Variants in INTS14 observed in about 807,000 individuals in gnomAD.
INTS14 encodes the protein UPF0464 protein C15orf44.
Under a neutral mutation model 56.9 loss-of-function variants are expected in INTS14, and 27 were observed. That is an observed-to-expected ratio of 0.47 (90% CI 0.35 to 0.65). INTS14 has a LOEUF of 0.65. INTS14 is among the 30% of genes least tolerant of loss of function. INTS14 has a pLI of 0.00. For synonymous variants in INTS14, 207 were observed against 236.2 expected, an observed-to-expected ratio of 0.88 and a Z score of 1.13; for missense variants, 517 against 632.2, an observed-to-expected ratio of 0.82 and a Z score of 1.95.
chr15:65,599,044 T>C (rs917943582), intron 4 of INTS14, 54 bp from the exon 5 acceptor site: 13 of 1,331,382 alleles, frequency 9.8e-6, no homozygotes, highest in African/African-American at 7.4e-5. Flanking sequence ...TGCCAGATTA[T>C]TCTCAGCTCA....
chr15:65,610,569 A>C (rs1053266080), intron 1 of INTS14: 170 of 1,218,560 alleles, frequency 1.4e-4, no homozygotes, highest in Non-Finnish European at 1.9e-4. Flanking sequence ...CCAAGTGTCC[A>C]TCAGCTAGAC....
chr15:65,599,680 G>A, intron 4 of INTS14, 94 bp downstream of exon 4: 5 of 1,347,680 alleles, frequency 3.7e-6, no homozygotes, highest in Non-Finnish European at 4.1e-6. Context: ...CAATGCTACA[G>A]TATATACAAT....
Position 65,598,459 on chromosome 15 carries a change from G to A in INTS14, c.610C>T (p.Leu204=). The change falls in exon 6 of 12, where the codon CTG becomes TTG. Residue 204 remains leucine (L), a synonymous_variant. Coordinates refer to ENST00000313182, the MANE Select transcript of INTS14 (RefSeq NM_001394796.1). The part of the protein sequence containing the change: ...LKNVQSMFGK[L]IDLAYTPFHA... The stretch of plus-strand genomic sequence containing the variant: ...AAAGGCGTATATGCCAAATCTATCA[G>A]TTTTCTAGAATATGATAATTAATAG... 1 of 1,612,876 alleles carries A rather than the reference G, an allele frequency of 6.2e-7. No individual in the cohort carries two copies.
chr15:65,579,260 G>T lies in INTS14; in HGVS notation c.*148C>A. 9.2e-7 allele frequency: 1 copy of T among 1,087,574 alleles called. No individual in the cohort carries two copies. Among genetic ancestry groups the T allele is most frequent in the Non-Finnish European group, 1.3e-6 (1 of 763,296 alleles). 67.4% of individuals were successfully genotyped at this position (1,087,574 alleles called of 1,614,324 possible). On this transcript the variant is annotated 3_prime_UTR_variant, in exon 12 of 12. Transcript: ENST00000313182. The stretch of plus-strand genomic sequence containing the variant: ...CCTTCACATCCTTCTCATACTAGTA[G>T]AGTCATTCAAAACAGCAAGTGGTGC...
At chr15:65,608,109 C>T (rs2073720175) in intron 1 of INTS14, among the ~76,000 whole-genome samples, 2 of 152,190 alleles carry the variant, frequency 1.3e-5, no homozygotes, top group African/African-American at 4.8e-5. Context: ...GGCACAGTGG[C>T]TCATGCCTGT....
At chr15:65,588,158 G>GGT (rs1277269823) in intron 9 of INTS14, among the ~76,000 whole-genome samples, 1 of 151,808 alleles carries the variant, frequency 6.6e-6, no homozygotes, top group Non-Finnish European at 1.5e-5. Flanking sequence ...GCGTGGTGGT[G>GGT]GACACCTGCA....
intron 7 of INTS14, among the ~76,000 whole-genome samples, chr15:65,594,560 T>G (rs947637123): frequency 4.7e-5 from 7 of 149,946 alleles, no homozygotes; most frequent in East Asian, 1.9e-4. Flanking sequence ...GCCCAGGTTT[T>G]TTTTTTTTTT....
At chr15:65,608,478 CA>C (rs1195346498) in intron 1 of INTS14, among the ~76,000 whole-genome samples, 2 of 150,224 alleles carry the variant, frequency 1.3e-5, no homozygotes, top group African/African-American at 4.9e-5. Context: ...TGAGAATTAG[CA>C]TAAAGAAAAC....
chr15:65,603,941 CT>C (rs2073541851), intron 3 of INTS14, among the ~76,000 whole-genome samples: 1 of 152,206 alleles, frequency 6.6e-6, no homozygotes, highest in Non-Finnish European at 1.5e-5. Context: ...AGCAATGTTT[CT>C]GCTTTTTCCT....
At chr15:65,579,729 C>G in intron 11 of INTS14, 70 bp from the exon 12 acceptor site, 2 of 1,538,356 alleles carry the variant, frequency 1.3e-6, no homozygotes, top group Non-Finnish European at 1.8e-6. Flanking sequence ...AAGTGCTCAG[C>G]TTAGCATAAG....
intron 3 of INTS14, among the ~76,000 whole-genome samples, chr15:65,603,633 A>G (rs564943532): frequency 1.3e-5 from 2 of 151,284 alleles, no homozygotes; most frequent in East Asian, 3.9e-4. Context: ...TTTTTTTATT[A>G]ATAAATAAAT....
intron 11 of INTS14, among the ~76,000 whole-genome samples, chr15:65,581,154 C>T (rs1023121051): frequency 1.3e-5 from 2 of 151,786 alleles, no homozygotes; most frequent in African/African-American, 4.8e-5. Flanking sequence ...CCGAGGCGAG[C>T]GGATTACCTG....
intron 1 of INTS14, among the ~76,000 whole-genome samples, chr15:65,608,364 C>CAA (rs35399300): frequency 0.015 from 921 of 63,432 alleles, 14 homozygotes; most frequent in Middle Eastern, 0.021. Context: ...GGCTCCATCT[C>CAA]AAAAAAAAAA....
intron 9 of INTS14, among the ~76,000 whole-genome samples, chr15:65,585,848 C>T (rs1476575442): frequency 6.6e-6 from 1 of 152,188 alleles, no homozygotes; most frequent in South Asian, 2.1e-4. Context: ...AATTGAAACA[C>T]CTTGATATTG....
intron 3 of INTS14, 110 bp from the exon 4 acceptor site, chr15:65,600,039 G>A (rs2073371128): frequency 8.2e-7 from 1 of 1,224,882 alleles, no homozygotes; most frequent in Admixed American, 2.7e-5. Flanking sequence ...TGGCTATGGT[G>A]GCTCAAGCCT....
intron 3 of INTS14, among the ~76,000 whole-genome samples, chr15:65,600,486 G>A (rs1307682602): frequency 1.3e-5 from 2 of 149,180 alleles, no homozygotes; most frequent in African/African-American, 5.0e-5. Flanking sequence ...AGAATTAACT[G>A]GGCATGGTGG....
chr15:65,604,730 C>CAAAAA lies in INTS14; in HGVS notation c.330+394_330+398dup, dbSNP rs1040822777. Among the ~76,000 whole-genome samples, 25 of 62,526 alleles carry CAAAAA rather than the reference C, an allele frequency of 4.0e-4. No individual in the cohort carries two copies. In the South Asian group the frequency reaches 0.014, roughly 35 times the overall value. The allele number at this position is 62,526 out of a possible 152,430, so 41.0% of individuals were successfully genotyped here. On this transcript the variant is annotated intron_variant, in intron 3 of 11. Transcript: ENST00000313182. ...GGGCAACAAAGTGAGACCCTGTCTC[C>CAAAAA]AAAAAAAAAAAAAAAAAAAAGTCTG...
chr15:65,580,118 G>A (rs1035999028), intron 11 of INTS14, among the ~76,000 whole-genome samples: 2 of 152,176 alleles, frequency 1.3e-5, no homozygotes, highest in African/African-American at 2.4e-5. Flanking sequence ...AGGAGTCAGA[G>A]TGGAAAGACC....
At position 65,582,951 on chromosome 15, in the gene INTS14, T is replaced by C. The variant is rs541320459; in HGVS notation, c.1240-932A>G. 6.6e-5 allele frequency among the ~76,000 whole-genome samples: 10 copies of C among 152,308 alleles called. No homozygotes were observed. The South Asian group carries it at 1.7e-3, about 25-fold the overall frequency. ...TAAGCACAGGAAAAGATGCACATTA[T>C]TGGTCATCAAGGAAATGCAAAAACA... On this transcript the variant is annotated intron_variant, in intron 10 of 11. Transcript: ENST00000313182.
Sources: gnomAD v4.1 joint callset for allele counts (sites outside exome capture counted in the v4.1 genomes callset) on GRCh38, gnomAD v4.1.1 for gene constraint, MANE v1.5 for transcripts, NCBI Gene and HGNC (gene_info 2026-07-23, HGNC 2026-07-21) for gene names.